Variants in FBXL3 observed in about 807,000 individuals in gnomAD.
FBXL3 encodes F-box/LRR-repeat protein 3.
FBXL3 carries 14 observed loss-of-function variants against 37.9 expected under a neutral mutation model. The ratio of observed to expected loss-of-function variants is 0.37; its 90% CI spans 0.24 to 0.58. The LOEUF is 0.58. Among genes scored for constraint, FBXL3 ranks in the 20% least tolerant of loss-of-function variants. FBXL3 has a pLI of 0.74. For missense variants in FBXL3, 327 were observed against 511.1 expected, an observed-to-expected ratio of 0.64 and a Z score of 3.47; for synonymous variants, 194 against 180.1, an observed-to-expected ratio of 1.08 and a Z score of -0.62.
At position 77,026,989 on chromosome 13, in the gene FBXL3, G is replaced by C. The variant is rs1294120426; in HGVS notation, c.-164C>G. ...CCCGCATCCGAGGCGCTGGTCCCGCGGAGGGCGCCAACGCGGCTCCACCTT... is the reference window on the plus strand; with the variant it reads ...CCCGCATCCGAGGCGCTGGTCCCGCCGAGGGCGCCAACGCGGCTCCACCTT... On this transcript the variant is annotated 5_prime_UTR_variant, in exon 1 of 5. Coordinates refer to ENST00000355619, the MANE Select transcript of FBXL3 (RefSeq NM_012158.4). 1 of 151,848 alleles carries C rather than the reference G, an allele frequency of 6.6e-6. No individual in the cohort carries two copies. The highest frequency in any genetic ancestry group is 1.5e-5 in the Non-Finnish European group (1 of 67,988). The allele number at this position is 151,848 out of a possible 1,614,324, so 9.4% of individuals were successfully genotyped here. A position where few individuals can be genotyped will look rare whatever the true frequency, so the allele number is the denominator to read the frequency against.
intron 4 of FBXL3, 37 bp from the exon 5 acceptor site, chr13:77,007,825 A>G: frequency 6.6e-7 from 1 of 1,518,592 alleles, no homozygotes; most frequent in Non-Finnish European, 8.8e-7. Context: ...AAGTTTTTGT[A>G]AAAGTTTATC....
intron 2 of FBXL3, among the ~76,000 whole-genome samples, chr13:77,019,512 A>C (rs1040078872): frequency 1.3e-5 from 2 of 152,216 alleles, no homozygotes; most frequent in Non-Finnish European, 2.9e-5. Flanking sequence ...TGTGCTAATT[A>C]TATTAGTTTC....
intron 4 of FBXL3, chr13:77,013,642 CT>C (rs909918002): frequency 1.4e-4 from 21 of 152,226 alleles, no homozygotes; most frequent in African/African-American, 4.1e-4. Context: ...CCAATCAGCA[CT>C]TCCCAAGCCC....
chr13:77,008,480 T>C (rs1385343450), intron 4 of FBXL3: 1 of 152,230 alleles, frequency 6.6e-6, no homozygotes. Context: ...TAGGGTGCCA[T>C]GCTTTATAAC....
At position 77,007,775 on chromosome 13, in the gene FBXL3, C is replaced by T. The variant is rs1177575779; in HGVS notation, c.657G>A (p.Val219=). 1 of 1,575,206 alleles carries T rather than the reference C, an allele frequency of 6.3e-7. No individual in the cohort carries two copies. Among genetic ancestry groups the T allele is most frequent in the East Asian group, 2.3e-5 (1 of 44,358 alleles). The change falls in exon 5 of 5, where the codon GTG becomes GTA. Residue 219 remains valine (V), a synonymous_variant. Transcript: ENST00000355619. ...CTCTTAAGCCGTGACACTGATCAGC[C>T]ACACAAAGGATACCTTGAAAGAAAA... ...PHVSPAGILC[V]ADQCHGLREL...
At chr13:77,007,846 TTCAA>T (rs1172610833) in intron 4 of FBXL3, 58 bp from the exon 5 acceptor site, 1 of 1,445,892 alleles carries the variant, frequency 6.9e-7, no homozygotes, top group Non-Finnish European at 9.3e-7. Flanking sequence ...TGTTGAAAAA[TTCAA>T]TCAAGTACAT....
chr13:77,009,562 C>T (rs1251434317), intron 4 of FBXL3: 1 of 152,226 alleles, frequency 6.6e-6, no homozygotes, highest in African/African-American at 2.4e-5. Flanking sequence ...CCGATACCAT[C>T]TCACGCCAGT....
At position 77,012,796 on chromosome 13, in the gene FBXL3, G is replaced by C. The variant is rs141013274; in HGVS notation, c.643+2613C>G. 2.0e-3 allele frequency: 309 copies of C among 152,148 alleles called. 1 individual carries two copies. The highest frequency in any genetic ancestry group is 6.6e-3 in the African/African-American group (276 of 41,530). 9.4% of individuals were successfully genotyped at this position (152,148 alleles called of 1,614,324 possible). A position where few individuals can be genotyped will look rare whatever the true frequency, so the allele number is the denominator to read the frequency against. ...TACAAGTGTTCTTTCTTTTTTTTGA[G>C]ACAGAGTCTCGCTCTGTTGCCAGGC... On this transcript the variant is annotated intron_variant, in intron 4 of 4. Coordinates refer to ENST00000355619, the MANE Select transcript of FBXL3 (RefSeq NM_012158.4).
chr13:77,009,055 T>C (rs920468895), intron 4 of FBXL3: 6 of 152,238 alleles, frequency 3.9e-5, no homozygotes, highest in Non-Finnish European at 8.8e-5. Context: ...AAAAGTATTA[T>C]TTCTACTTTG....
At chr13:77,020,764 C>T (rs931079768) in intron 2 of FBXL3, among the ~76,000 whole-genome samples, 1 of 152,144 alleles carries the variant, frequency 6.6e-6, no homozygotes, top group Admixed American at 6.5e-5. Context: ...CAGGGTCTCG[C>T]TCTGTCACCA....
chr13:77,010,241 T>A (rs1004981412), intron 4 of FBXL3: 2 of 151,724 alleles, frequency 1.3e-5, no homozygotes, highest in Non-Finnish European at 2.9e-5. Flanking sequence ...ACTCCAGAAC[T>A]TAAAGTATAA....
chr13:77,020,355 T>C (rs2034719407), intron 2 of FBXL3, among the ~76,000 whole-genome samples: 1 of 152,244 alleles, frequency 6.6e-6, no homozygotes, highest in African/African-American at 2.4e-5. Context: ...AGCGCCTTTG[T>C]GCAGTTTTCT....
At chr13:77,021,930 C>A (rs1254504004) in intron 1 of FBXL3, 69 bp from the exon 2 acceptor site, 3 of 1,250,096 alleles carry the variant, frequency 2.4e-6, no homozygotes, top group South Asian at 1.4e-5. Context: ...AAAATTCATT[C>A]TTCTGTCACT....
At chr13:77,023,343 AGAGTGTGTGTGTGTGT>A (rs1463532792) in intron 1 of FBXL3, among the ~76,000 whole-genome samples, 4 of 139,806 alleles carry the variant, frequency 2.9e-5, no homozygotes, top group African/African-American at 1.1e-4. Context: ...GGAGAGAGAG[AGAGTGTGTGTGTGTGT>A]GTGTGTGTGT....
At position 77,006,573 on chromosome 13, in the gene FBXL3, CATCT is replaced by C. The variant is rs1191530634; in HGVS notation, c.*568_*571del. 1 of 153,712 alleles carries C rather than the reference CATCT, an allele frequency of 6.5e-6. No individual in the cohort carries two copies. The highest frequency in any genetic ancestry group is 2.4e-5 in the African/African-American group (1 of 41,440). 9.5% of individuals were successfully genotyped at this position (153,712 alleles called of 1,614,324 possible). ...ATCCTTCTATAATACCACTGTGTGA[CATCT>C]ATCAGTCTTCTAAGTGTTCTGATTA... On this transcript the variant is annotated 3_prime_UTR_variant, in exon 5 of 5. Coordinates refer to ENST00000355619, the MANE Select transcript of FBXL3 (RefSeq NM_012158.4).
At position 77,015,504 on chromosome 13, in the gene FBXL3, G is replaced by A; in HGVS notation, c.548C>T (p.Pro183Leu). The A allele has an allele frequency of 6.2e-7, 1 of 1,607,496 alleles. No individual in the cohort carries two copies. Among genetic ancestry groups the A allele is most frequent in the Non-Finnish European group, 8.5e-7 (1 of 1,176,638 alleles). The change falls in exon 4 of 5, where the codon CCA (proline) becomes CTA (leucine). Residue 183 changes from proline to leucine, a missense_variant. Pro to Leu is a moderately conservative substitution (Grantham distance 98). Coordinates refer to ENST00000355619, the MANE Select transcript of FBXL3 (RefSeq NM_012158.4). The stretch of plus-strand genomic sequence containing the variant: ...TACTTTGAGAGATGGATCATCTACT[G>A]GAGTATCATCTATCTTAAGCGAAGA... ...SLSSLKIDDT[P>L]VDDPSLKVLV...
At chr13:77,013,392 G>A (rs998789678) in intron 4 of FBXL3, 3 of 152,138 alleles carry the variant, frequency 2.0e-5, no homozygotes, top group African/African-American at 7.2e-5. Context: ...TTACAATGTG[G>A]GGGTCATGAA....
At chr13:77,021,967 T>C (rs2034752979) in intron 1 of FBXL3, 106 bp from the exon 2 acceptor site, 1 of 904,720 alleles carries the variant, frequency 1.1e-6, no homozygotes, top group African/African-American at 1.7e-5. Flanking sequence ...TACACAAACA[T>C]GCAGGAAAAA....
At chr13:77,010,378 C>T (rs1352830001) in intron 4 of FBXL3, 1 of 152,124 alleles carries the variant, frequency 6.6e-6, no homozygotes, top group Non-Finnish European at 1.5e-5. Context: ...AAATGGCCTC[C>T]AAGATCCCAC....
Sources: allele counts gnomAD v4.1 joint callset (sites outside exome capture counted in the v4.1 genomes callset), GRCh38; gene constraint gnomAD v4.1.1; transcripts MANE v1.5; gene names NCBI Gene and HGNC (gene_info 2026-07-23, HGNC 2026-07-21).